The following P2RY6 variants were observed in gnomAD, a reference collection of about 807,000 sequenced individuals.
P2RY6 encodes P2Y purinoceptor 6.
Under a neutral mutation model 16.3 loss-of-function variants are expected in P2RY6, and 19 were observed. The ratio of observed to expected loss-of-function variants is 1.16; its 90% CI spans 0.81 to 1.71. P2RY6 has a LOEUF of 1.71. Ranked by LOEUF, P2RY6 falls within the 40% of genes most tolerant of loss-of-function variation. The probability of loss-of-function intolerance (pLI) is 0.00; values close to 1 mark genes in which losing one functional copy is unlikely to be tolerated. For synonymous variants in P2RY6, 184 were observed against 201.5 expected, an observed-to-expected ratio of 0.91 and a Z score of 0.74; for missense variants, 389 against 455.5, an observed-to-expected ratio of 0.85 and a Z score of 1.33.
In P2RY6 at chr11:73,297,116, G is replaced by T. The variant is rs527979345; in HGVS notation, c.598G>T (p.Gly200Cys). 3.6e-5 allele frequency: 57 copies of T among 1,604,258 alleles called. No individual in the cohort carries two copies. The highest frequency in any genetic ancestry group is 4.8e-5 in the Non-Finnish European group (57 of 1,179,950). The change falls in exon 3 of 3, where the codon GGC (glycine) becomes TGC (cysteine). Residue 200 changes from glycine (G) to cysteine (C), a missense_variant. By Grantham distance (159) the Gly-to-Cys change is radical. Transcript: ENST00000540124. The stretch of plus-strand genomic sequence containing the variant: ...CTATGGCATGGCTCTCACTGTCATC[G>T]GCTTCCTGCTGCCCTTTGCTGCCCT... ...MPYGMALTVI[G>C]FLLPFAALLA...
intron 2 of P2RY6, among the ~76,000 whole-genome samples, chr11:73,296,036 TCCCTGAGAGGCAGGTGCCGCATTCCC>T (rs1259136938): frequency 6.6e-6 from 1 of 151,744 alleles, no homozygotes; most frequent in African/African-American, 2.4e-5. Context: ...CCTCGTGACA[TCCCTGAGAGGCAGGTGCCGCATTCCC>T]CCTTTTCTCG....
At chr11:73,276,382 A>G (rs1852289132) in intron 1 of P2RY6, among the ~76,000 whole-genome samples, 1 of 152,250 alleles carries the variant, frequency 6.6e-6, no homozygotes, top group Non-Finnish European at 1.5e-5. Context: ...GTGTATACGC[A>G]AGGAAATTTA....
intron 1 of P2RY6, among the ~76,000 whole-genome samples, chr11:73,275,014 G>A (rs1863478849): frequency 6.6e-6 from 1 of 152,236 alleles, no homozygotes. Context: ...CCTGTCCCAG[G>A]GCTGGCCCTG....
chr11:73,287,192 G>A (rs895939295), intron 1 of P2RY6, among the ~76,000 whole-genome samples: 15 of 152,298 alleles, frequency 9.8e-5, no homozygotes, highest in African/African-American at 3.4e-4. Flanking sequence ...TATCTCCGTC[G>A]CCCAGGACAA....
chr11:73,285,080 C>T (rs1408629008), intron 1 of P2RY6, among the ~76,000 whole-genome samples: 1 of 152,082 alleles, frequency 6.6e-6, no homozygotes, highest in Non-Finnish European at 1.5e-5. Context: ...TGTCCTACGT[C>T]CCTTTTTTGA....
intron 1 of P2RY6, among the ~76,000 whole-genome samples, chr11:73,284,551 C>T (rs1344539008): frequency 3.3e-5 from 5 of 152,230 alleles, no homozygotes; most frequent in African/African-American, 9.7e-5. Context: ...CTCACACACA[C>T]GGCCAGGCAG....
At chr11:73,283,724 A>T (rs1046231628) in intron 1 of P2RY6, among the ~76,000 whole-genome samples, 1 of 152,138 alleles carries the variant, frequency 6.6e-6, no homozygotes, top group Admixed American at 6.5e-5. Flanking sequence ...CCTGACTGTA[A>T]GTGTGTGAGA....
intron 1 of P2RY6, among the ~76,000 whole-genome samples, chr11:73,290,406 C>T (rs1168623880): frequency 6.6e-6 from 1 of 152,066 alleles, no homozygotes; most frequent in Non-Finnish European, 1.5e-5. Flanking sequence ...GGGAGACTGG[C>T]TGGGCACAGT....
chr11:73,296,231 A>ATATATATAT (rs1428431818), intron 2 of P2RY6, among the ~76,000 whole-genome samples: 3 of 123,070 alleles, frequency 2.4e-5, no homozygotes, highest in African/African-American at 4.4e-5. Flanking sequence ...AGGAAAAAAA[A>ATATATATAT]AAATATATAT....
chr11:73,291,788 T>G (rs1864259823), intron 1 of P2RY6, among the ~76,000 whole-genome samples: 1 of 151,802 alleles, frequency 6.6e-6, no homozygotes, highest in Non-Finnish European at 1.5e-5. Flanking sequence ...CCCAGCACAC[T>G]GGTGATCAGT....
chr11:73,296,684 C>T lies in P2RY6; in HGVS notation c.166C>T (p.Arg56Trp), dbSNP rs772489922. ...CATTACCCAGATCTGCACGTCCCGC[C>T]GGGCCCTGACCCGCACGGCCGTGTA... ...CVITQICTSR[R>W]ALTRTAVYTL... The change falls in exon 3 of 3, where the codon CGG becomes TGG. Residue 56 changes from arginine to tryptophan, a missense_variant. Coordinates refer to ENST00000540124, the MANE Select transcript of P2RY6 (RefSeq NM_001277204.2). 2.8e-5 allele frequency: 45 copies of T among 1,614,040 alleles called. No homozygotes were observed. The highest frequency in any genetic ancestry group is 1.8e-4 in the Admixed American group (11 of 60,014).
Position 73,296,618 on chromosome 11 carries a change from T to G in P2RY6, c.100T>G (p.Ser34Ala), listed in dbSNP as rs1221992336. The change falls in exon 3 of 3, where the codon TCG becomes GCG. Residue 34 changes from serine (S) to alanine (A), a missense_variant. Physicochemically the swap from Ser to Ala is moderately conservative, Grantham distance 99. Coordinates refer to ENST00000540124, the MANE Select transcript of P2RY6 (RefSeq NM_001277204.2). ...FKQLLLPPVY[S>A]AVLAAGLPLN... ...GCAACTGCTGCTGCCACCTGTGTAT[T>G]CGGCGGTGCTGGCGGCTGGCCTGCC... 2 of 1,614,104 alleles carry G rather than the reference T, an allele frequency of 1.2e-6. No individual in the cohort carries two copies. The highest frequency in any genetic ancestry group is 1.7e-6 in the Non-Finnish European group (2 of 1,180,040).
At position 73,297,576 on chromosome 11, in the gene P2RY6, A is replaced by C; in HGVS notation, c.*71A>C. 3 of 1,192,948 alleles carry C rather than the reference A, an allele frequency of 2.5e-6. No individual in the cohort carries two copies. The highest frequency in any genetic ancestry group is 3.6e-6 in the Non-Finnish European group (3 of 831,350). The allele number at this position is 1,192,948 out of a possible 1,614,324, so 73.9% of individuals were successfully genotyped here. On this transcript the variant is annotated 3_prime_UTR_variant, in exon 3 of 3. Coordinates refer to ENST00000540124, the MANE Select transcript of P2RY6 (RefSeq NM_001277204.2). ...GGCACCAGGAGCCCCACCAACCCCA[A>C]ACCATGCGGAGAATTAGAGTTCAGC...
At chr11:73,274,585 G>A (rs904366033) in intron 1 of P2RY6, among the ~76,000 whole-genome samples, 18 of 151,370 alleles carry the variant, frequency 1.2e-4, no homozygotes, top group Admixed American at 7.2e-4. Flanking sequence ...AAAAGAAAAA[G>A]AAAGCAGTCA....
intron 1 of P2RY6, among the ~76,000 whole-genome samples, chr11:73,266,459 A>G (rs1181402515): frequency 1.3e-5 from 2 of 152,226 alleles, no homozygotes; most frequent in Admixed American, 1.3e-4. Flanking sequence ...AAAGTCCAGT[A>G]CAGGATCAGG....
chr11:73,269,672 A>C (rs183750200), upstream of P2RY6, among the ~76,000 whole-genome samples: 55 of 152,334 alleles, frequency 3.6e-4, no homozygotes, highest in African/African-American at 1.2e-3. Context: ...TGCCTTGTGA[A>C]TGCATGCGCA....
At chr11:73,271,127 G>A (rs910503513), upstream of P2RY6, among the ~76,000 whole-genome samples, 1 of 152,196 alleles carries the variant, frequency 6.6e-6, no homozygotes, top group African/African-American at 2.4e-5. Flanking sequence ...AGAGGAGGAG[G>A]AGGAAGCAGG....
At chr11:73,292,296 C>T (rs1211268799) in intron 1 of P2RY6, among the ~76,000 whole-genome samples, 1 of 151,254 alleles carries the variant, frequency 6.6e-6, no homozygotes, top group African/African-American at 2.5e-5. Flanking sequence ...AAGAGGGAAG[C>T]GGGGGGAGAA....
Position 73,297,734 on chromosome 11 carries a change from C to T in P2RY6, c.*229C>T, listed in dbSNP as rs1864573887. On this transcript the variant is annotated 3_prime_UTR_variant, in exon 3 of 3. Transcript: ENST00000540124. ...ACCTGGGCCTGGCTCTTGAGAGGTC[C>T]CAGTCAGCCATGGAGAGCTGGGGAA... 1 of 575,808 alleles carries T rather than the reference C, an allele frequency of 1.7e-6. No homozygotes were observed. Among genetic ancestry groups the T allele is most frequent in the Admixed American group, 3.2e-5 (1 of 31,442 alleles). 35.7% of individuals were successfully genotyped at this position (575,808 alleles called of 1,614,324 possible). A position where few individuals can be genotyped will look rare whatever the true frequency, so the allele number is the denominator to read the frequency against.
Sources: allele counts gnomAD v4.1 joint callset (sites outside exome capture counted in the v4.1 genomes callset), GRCh38; gene constraint gnomAD v4.1.1; transcripts MANE v1.5; gene names NCBI Gene and HGNC (gene_info 2026-07-23, HGNC 2026-07-21).